Variants in SORCS2 observed in about 807,000 individuals in gnomAD.
SORCS2 encodes the protein VPS10 domain-containing receptor SorCS2.
Under a neutral mutation model 141.6 loss-of-function variants are expected in SORCS2, and 100 were observed. That is an observed-to-expected ratio of 0.71 (90% confidence interval 0.60 to 0.83). SORCS2 has a LOEUF of 0.83. Ranked by LOEUF, SORCS2 falls within the 40% of genes least tolerant of loss-of-function variation. SORCS2 has a pLI of 0.00. For missense variants in SORCS2, 1,646 were observed against 1,560.2 expected (o/e 1.05, Z -0.93); for synonymous variants, 789 against 676.9 (o/e 1.17, Z -2.57).
chr4:7,676,907 C>CTCTCTCTCTCTCTCTCTCTCTCT (rs1560475883), intron 9 of SORCS2, among the ~76,000 whole-genome samples: 1 of 7,076 alleles, frequency 1.4e-4, no homozygotes, highest in Non-Finnish European at 2.9e-4. Flanking sequence ...TCTCTCTCTC[C>CTCTCTCTCTCTCTCTCTCTCTCT]CTCTCTCCCT....
chr4:7,338,765 T>C (rs151061301), intron 1 of SORCS2, among the ~76,000 whole-genome samples: 78 of 152,364 alleles, frequency 5.1e-4, no homozygotes, highest in African/African-American at 1.8e-3. Context: ...GGAAACCATT[T>C]AATTAATCCC....
chr4:7,589,823 C>T (rs755565033), intron 3 of SORCS2, among the ~76,000 whole-genome samples: 1 of 152,190 alleles, frequency 6.6e-6, no homozygotes, highest in African/African-American at 2.4e-5. Context: ...AGTAATGTGT[C>T]TGAGGTCACA....
chr4:7,627,471 G>A (rs1481450294), intron 3 of SORCS2, among the ~76,000 whole-genome samples: 1 of 152,172 alleles, frequency 6.6e-6, no homozygotes, highest in Non-Finnish European at 1.5e-5. Flanking sequence ...CCATGCCATG[G>A]GGGGTGAATG....
At chr4:7,606,998 A>G (rs1450947065) in intron 3 of SORCS2, among the ~76,000 whole-genome samples, 1 of 152,182 alleles carries the variant, frequency 6.6e-6, no homozygotes, top group Non-Finnish European at 1.5e-5. Flanking sequence ...TACACTTTAT[A>G]TGAAGCTTTT....
intron 3 of SORCS2, among the ~76,000 whole-genome samples, chr4:7,542,559 A>G (rs73797026): frequency 0.069 from 10,508 of 152,126 alleles, 576 homozygotes; most frequent in African/African-American, 0.15. Flanking sequence ...ACTAAAAGGA[A>G]AGCTTGGAAT....
intron 1 of SORCS2, among the ~76,000 whole-genome samples, chr4:7,314,113 T>G (rs1348593569): frequency 2.6e-5 from 4 of 152,208 alleles, no homozygotes; most frequent in African/African-American, 9.6e-5. Flanking sequence ...TTCTCTTTTT[T>G]GCCTGGAGTC....
chr4:7,595,366 G>A (rs1034055540), intron 3 of SORCS2, among the ~76,000 whole-genome samples: 1 of 152,096 alleles, frequency 6.6e-6, no homozygotes, highest in Non-Finnish European at 1.5e-5. Flanking sequence ...TCATTACGTA[G>A]GCACGGTGGA....
chr4:7,363,450 T>C (rs1310785007), intron 1 of SORCS2, among the ~76,000 whole-genome samples: 1 of 145,544 alleles, frequency 6.9e-6, no homozygotes, highest in East Asian at 2.3e-4. Flanking sequence ...TCACCACCAT[T>C]GTGGTGTATC....
intron 1 of SORCS2, among the ~76,000 whole-genome samples, chr4:7,220,750 G>A (rs1480506130): frequency 6.6e-6 from 1 of 152,148 alleles, no homozygotes; most frequent in African/African-American, 2.4e-5. Flanking sequence ...TGCGTCCCAG[G>A]TGTGAAACAT....
chr4:7,734,217 G>T, intron 24 of SORCS2, 55 bp from the exon 25 acceptor site: 1 of 1,352,320 alleles, frequency 7.4e-7, no homozygotes, highest in Non-Finnish European at 1.0e-6. Flanking sequence ...GGCTGGGGAT[G>T]GGACAGGGAT....
intron 1 of SORCS2, among the ~76,000 whole-genome samples, chr4:7,255,379 C>G (rs2108811868): frequency 6.6e-6 from 1 of 152,234 alleles, no homozygotes. Context: ...ACGCAGGAGC[C>G]TCAGTATGAA....
chr4:7,673,127 G>T (rs774084003), intron 8 of SORCS2, among the ~76,000 whole-genome samples: 9 of 152,150 alleles, frequency 5.9e-5, no homozygotes, highest in Non-Finnish European at 1.2e-4. Context: ...AAAATTGCCT[G>T]TTATTTATAA....
chr4:7,347,029 C>A (rs1308621304), intron 1 of SORCS2, among the ~76,000 whole-genome samples: 1 of 152,188 alleles, frequency 6.6e-6, no homozygotes, highest in African/African-American at 2.4e-5. Flanking sequence ...AGAATAAGGT[C>A]ATATCTATGA....
chr4:7,527,891 C>T (rs539833575), intron 2 of SORCS2, among the ~76,000 whole-genome samples: 4 of 152,146 alleles, frequency 2.6e-5, no homozygotes, highest in Non-Finnish European at 5.9e-5. Context: ...GCAGTGGGGG[C>T]AGCCTGGGGG....
chr4:7,383,515 G>A (rs183177481), intron 1 of SORCS2, among the ~76,000 whole-genome samples: 1,564 of 152,342 alleles, frequency 0.01, 20 homozygotes, highest in Non-Finnish European at 0.012. Flanking sequence ...CCAGCAGGGA[G>A]GGGGAGAGCA....
chr4:7,668,427 G>A (rs749100374), intron 8 of SORCS2, among the ~76,000 whole-genome samples: 1 of 152,128 alleles, frequency 6.6e-6, no homozygotes, highest in African/African-American at 2.4e-5. Flanking sequence ...AAAATGGTTC[G>A]GGTGGAGGGC....
At chr4:7,276,550 G>C (rs1715513228) in intron 1 of SORCS2, among the ~76,000 whole-genome samples, 1 of 152,104 alleles carries the variant, frequency 6.6e-6, no homozygotes, top group Admixed American at 6.5e-5. Context: ...CCCCCTTATT[G>C]CTGCCGCTTC....
chr4:7,490,810 G>C (rs935426650), intron 2 of SORCS2, among the ~76,000 whole-genome samples: 2 of 152,090 alleles, frequency 1.3e-5, no homozygotes, highest in African/African-American at 4.8e-5. Flanking sequence ...TCTCCCTCGG[G>C]GTGTCCCCGC....
chr4:7,543,380 C>G (rs1712841225), intron 3 of SORCS2, among the ~76,000 whole-genome samples: 1 of 150,010 alleles, frequency 6.7e-6, no homozygotes, highest in Non-Finnish European at 1.5e-5. Flanking sequence ...TTGATTCATA[C>G]ATCCACCCAC....
Sources: allele counts gnomAD v4.1 joint callset (sites outside exome capture counted in the v4.1 genomes callset), GRCh38; gene constraint gnomAD v4.1.1; transcripts MANE v1.5; gene names NCBI Gene and HGNC (gene_info 2026-07-23, HGNC 2026-07-21).